Variants in CACNA2D3 observed in about 807,000 individuals in gnomAD.
CACNA2D3 encodes calcium voltage-gated channel auxiliary subunit alpha2delta 3, also known as voltage-dependent calcium channel subunit alpha-2/delta-3.
In CACNA2D3, 60 loss-of-function variants were observed where a neutral mutation model predicts 160.6. The observed-to-expected ratio is 0.37, with a 90% CI of 0.30 to 0.46. CACNA2D3 has a LOEUF of 0.46. Among genes scored for constraint, CACNA2D3 ranks in the 20% least tolerant of loss-of-function variants. CACNA2D3 has a pLI of 1.00. For synonymous variants in CACNA2D3, 558 were observed against 492.9 expected, an observed-to-expected ratio of 1.13 and a Z score of -1.75; for missense variants, 1,205 against 1,365.0, an observed-to-expected ratio of 0.88 and a Z score of 1.85.
At chr3:54,923,297 C>G (rs1188839447) in intron 27 of CACNA2D3, among the ~76,000 whole-genome samples, 1 of 152,116 alleles carries the variant, frequency 6.6e-6, no homozygotes, top group Non-Finnish European at 1.5e-5. Context: ...CTGCACTGGC[C>G]ACTGTCTTGT....
intron 2 of CACNA2D3, among the ~76,000 whole-genome samples, chr3:54,131,675 A>G (rs1442749287): frequency 1.3e-5 from 2 of 152,214 alleles, no homozygotes; most frequent in African/African-American, 4.8e-5. Flanking sequence ...AGTTCATAAA[A>G]TTAAGGCAGT....
intron 4 of CACNA2D3, among the ~76,000 whole-genome samples, chr3:54,443,613 A>T (rs1301713883): frequency 3.3e-5 from 5 of 152,148 alleles, no homozygotes; most frequent in African/African-American, 7.2e-5. Context: ...GGTGGAGCAG[A>T]CAGATCCTTG....
chr3:54,821,003 G>A (rs1350991731), intron 14 of CACNA2D3, among the ~76,000 whole-genome samples: 2 of 152,092 alleles, frequency 1.3e-5, no homozygotes, highest in African/African-American at 4.8e-5. Flanking sequence ...AATGTTTAAA[G>A]TCAAAAATAC....
At chr3:54,924,523 C>T (rs1404354311) in intron 27 of CACNA2D3, 4 of 1,040,812 alleles carry the variant, frequency 3.8e-6, no homozygotes, top group Admixed American at 2.1e-5. Context: ...CCACCCCTTA[C>T]ACACTCCTCC....
intron 12 of CACNA2D3, among the ~76,000 whole-genome samples, chr3:54,762,633 A>G (rs1043646769): frequency 5.9e-5 from 9 of 152,238 alleles, no homozygotes; most frequent in Non-Finnish European, 7.3e-5. Context: ...GCCTGTGTTC[A>G]GTTCACCCTT....
intron 13 of CACNA2D3, among the ~76,000 whole-genome samples, chr3:54,781,930 T>TA (rs1483468779): frequency 1.3e-5 from 2 of 152,226 alleles, no homozygotes; most frequent in Non-Finnish European, 2.9e-5. Flanking sequence ...CAAGACTGTT[T>TA]AAAAATCTGG....
At chr3:54,628,949 G>A (rs1423705027) in intron 10 of CACNA2D3, among the ~76,000 whole-genome samples, 1 of 152,106 alleles carries the variant, frequency 6.6e-6, no homozygotes, top group Non-Finnish European at 1.5e-5. Context: ...GAACTATGGA[G>A]GAGACACAGT....
At chr3:54,703,104 G>A (rs1013542636) in intron 11 of CACNA2D3, among the ~76,000 whole-genome samples, 1 of 152,024 alleles carries the variant, frequency 6.6e-6, no homozygotes, top group South Asian at 2.1e-4. Context: ...GGAGGGTGAG[G>A]ATCACAAAAC....
At chr3:54,449,911 T>C (rs954783633) in intron 4 of CACNA2D3, among the ~76,000 whole-genome samples, 1 of 152,222 alleles carries the variant, frequency 6.6e-6, no homozygotes, top group Admixed American at 6.5e-5. Flanking sequence ...CCTTTGTATC[T>C]AAATAAATAT....
At chr3:54,342,942 G>C (rs1050815587) in intron 3 of CACNA2D3, among the ~76,000 whole-genome samples, 2 of 152,124 alleles carry the variant, frequency 1.3e-5, no homozygotes, top group Non-Finnish European at 2.9e-5. Flanking sequence ...GGCCCGCCCT[G>C]GGTAGCCGCA....
At chr3:54,649,834 T>C (rs1041445481) in intron 11 of CACNA2D3, among the ~76,000 whole-genome samples, 1 of 152,222 alleles carries the variant, frequency 6.6e-6, no homozygotes, top group Admixed American at 6.5e-5. Flanking sequence ...CACTGTCTGT[T>C]CCTGTGGGGG....
intron 9 of CACNA2D3, among the ~76,000 whole-genome samples, chr3:54,608,484 C>T (rs375441070): frequency 6.2e-4 from 95 of 152,234 alleles, no homozygotes; most frequent in Middle Eastern, 6.8e-3. Context: ...AGAGATGTTA[C>T]GAAAATCACA....
chr3:54,498,672 A>G (rs1401066876), intron 4 of CACNA2D3, among the ~76,000 whole-genome samples: 1 of 151,878 alleles, frequency 6.6e-6, no homozygotes, highest in Non-Finnish European at 1.5e-5. Context: ...AAGGTAGACT[A>G]TTTATCTTGA....
intron 35 of CACNA2D3, among the ~76,000 whole-genome samples, chr3:55,019,079 T>TTTTCTTTCTTTCTTTCTTTCTTTC (rs113970383): frequency 0.019 from 2,721 of 146,714 alleles, 131 homozygotes; most frequent in African/African-American, 0.068. Flanking sequence ...TGCATAGAAA[T>TTTTCTTTCTTTCTTTCTTTCTTTC]TTTCTTTCTT....
At chr3:54,401,258 A>G (rs1323452742) in intron 4 of CACNA2D3, among the ~76,000 whole-genome samples, 1 of 152,198 alleles carries the variant, frequency 6.6e-6, no homozygotes, top group Non-Finnish European at 1.5e-5. Context: ...AATGCCATCA[A>G]GTGAACAAAG....
intron 2 of CACNA2D3, among the ~76,000 whole-genome samples, chr3:54,183,892 G>GAAAAAAAAAA (rs58956795): frequency 1.9e-4 from 15 of 80,798 alleles, no homozygotes; most frequent in South Asian, 5.9e-4. Context: ...TCTCAAAAAA[G>GAAAAAAAAAA]AAAAAAAAAA....
rs1488357166 is a variant in CACNA2D3 at position 54,736,003 on chromosome 3, A to G, written c.1168-16596A>G. Among the ~76,000 whole-genome samples the G allele has an allele frequency of 4.2e-4, 42 of 99,284 alleles. 1 individual carries two copies. Among genetic ancestry groups the G allele is most frequent in the Non-Finnish European group, 4.4e-4 (21 of 47,368 alleles). 65.1% of individuals were successfully genotyped at this position (99,284 alleles called of 152,430 possible). Reference sequence around the variant, plus strand: ...CATGTATATATATATACATATATATATATGTATATATATACACATACATAT... The same window carrying G: ...CATGTATATATATATACATATATATGTATGTATATATATACACATACATAT... On this transcript the variant is annotated intron_variant, in intron 11 of 37. Coordinates refer to ENST00000474759, the MANE Select transcript of CACNA2D3 (RefSeq NM_018398.3).
intron 11 of CACNA2D3, among the ~76,000 whole-genome samples, chr3:54,653,139 G>T (rs1239185798): frequency 6.6e-6 from 1 of 152,102 alleles, no homozygotes; most frequent in Non-Finnish European, 1.5e-5. Context: ...AGGGCTCTCT[G>T]GCAACTGTAT....
chr3:54,412,724 TTTG>T (rs969554351), intron 4 of CACNA2D3, among the ~76,000 whole-genome samples: 36 of 151,718 alleles, frequency 2.4e-4, no homozygotes, highest in African/African-American at 2.6e-4. Context: ...TCTCTCTGTT[TTTG>T]TTGTTGTTGT....
Sources: gnomAD v4.1 joint callset for allele counts (sites outside exome capture counted in the v4.1 genomes callset) on GRCh38, gnomAD v4.1.1 for gene constraint, MANE v1.5 for transcripts, NCBI Gene and HGNC (gene_info 2026-07-23, HGNC 2026-07-21) for gene names.